STOX2: variants seen among roughly 807,000 people sequenced by gnomAD.
The protein encoded by STOX2 is storkhead box 2.
A neutral mutation model predicts 60.9 loss-of-function variants in STOX2; 28 were observed. The observed-to-expected ratio is 0.46, with a 90% CI of 0.34 to 0.63. STOX2 has a LOEUF of 0.63. STOX2 is among the 30% of genes least tolerant of loss of function. STOX2 has a pLI of 0.01. For synonymous variants in STOX2, 472 were observed against 463.9 expected (o/e 1.02, Z -0.22); for missense variants, 1,024 against 1,187.7 (o/e 0.86, Z 2.03).
chr4:183,980,608 C>A (rs1360630285), intron 1 of STOX2, among the ~76,000 whole-genome samples: 1 of 152,092 alleles, frequency 6.6e-6, no homozygotes, highest in African/African-American at 2.4e-5. Context: ...CTGAGTTCAG[C>A]TTTGTGATGA....
At chr4:183,858,558 T>C (rs1740357825) in intron 1 of STOX2, among the ~76,000 whole-genome samples, 1 of 152,078 alleles carries the variant, frequency 6.6e-6, no homozygotes, top group African/African-American at 2.4e-5. Context: ...TGGTTCATGT[T>C]CATGGTGGAA....
upstream of STOX2, among the ~76,000 whole-genome samples, chr4:183,902,257 T>C (rs115734572): frequency 5.2e-3 from 773 of 149,946 alleles, 7 homozygotes; most frequent in African/African-American, 0.018. Flanking sequence ...AAGTTTTAAA[T>C]GAAGAGGATT....
chr4:183,843,964 A>G (rs1360930385), intron 1 of STOX2, among the ~76,000 whole-genome samples: 2 of 152,208 alleles, frequency 1.3e-5, no homozygotes, highest in South Asian at 2.1e-4. Flanking sequence ...AAATTCTGAA[A>G]ATAAATTATG....
At chr4:183,913,366 G>C (rs1378546955) in intron 1 of STOX2, among the ~76,000 whole-genome samples, 1 of 152,144 alleles carries the variant, frequency 6.6e-6, no homozygotes, top group Non-Finnish European at 1.5e-5. Context: ...AGAGGTGTCA[G>C]ATCGTGGCTT....
chr4:183,957,387 G>A (rs1247174278), intron 1 of STOX2, among the ~76,000 whole-genome samples: 1 of 152,128 alleles, frequency 6.6e-6, no homozygotes, highest in African/African-American at 2.4e-5. Flanking sequence ...TCATGCATCA[G>A]TAATTCTTGC....
intron 1 of STOX2, among the ~76,000 whole-genome samples, chr4:183,851,381 C>G (rs375935906): frequency 5.7e-3 from 165 of 29,064 alleles, no homozygotes; most frequent in Admixed American, 0.012. Flanking sequence ...ATGAGAGAAA[C>G]GATGAGGGAA....
intron 1 of STOX2, among the ~76,000 whole-genome samples, chr4:183,897,048 A>G (rs1741353770): frequency 1.3e-5 from 2 of 152,320 alleles, no homozygotes; most frequent in South Asian, 4.1e-4. Flanking sequence ...GAAGCTTGGC[A>G]GTGGAAGCAA....
chr4:183,922,351 T>A (rs1157341888), intron 1 of STOX2, among the ~76,000 whole-genome samples: 1 of 103,242 alleles, frequency 9.7e-6, no homozygotes, highest in African/African-American at 4.6e-5. Context: ...CCATCTTAAC[T>A]TTTTTTTTTT....
rs551901484 is a variant in STOX2 at position 183,930,685 on chromosome 4, T to C, written c.166+23729T>C. Among the ~76,000 whole-genome samples the C allele has an allele frequency of 3.9e-5, 6 of 152,342 alleles. No homozygotes were observed. In the East Asian group the frequency reaches 1.2e-3, roughly 29 times the overall value. ...ACTTTTGTTTCAAGAAGGAAGTTAG[T>C]CTTCAATATTCTGTTCTAAAGCTTA... On this transcript the variant is annotated intron_variant, in intron 1 of 3. Coordinates refer to ENST00000308497, the MANE Select transcript of STOX2 (RefSeq NM_020225.3).
intron 1 of STOX2, among the ~76,000 whole-genome samples, chr4:183,832,721 C>T (rs1739601785): frequency 6.6e-6 from 1 of 152,120 alleles, no homozygotes; most frequent in African/African-American, 2.4e-5. Flanking sequence ...AACTCCTGAC[C>T]TCAAGTGATC....
Position 183,836,448 on chromosome 4 carries a change from C to G in STOX2, c.364+38393C>G, listed in dbSNP as rs758297839. 5.3e-5 allele frequency among the ~76,000 whole-genome samples: 8 copies of G among 152,146 alleles called. No homozygotes were observed. The highest frequency in any genetic ancestry group is 2.6e-4 in the Admixed American group (4 of 15,280). ...GTCTCAGTGGCTTAACACATTAAGC[C>G]TCATTTCTTCTTCTGCAAAGTCTAT... On this transcript the variant is annotated intron_variant, in intron 1 of 2. Coordinates refer to the STOX2 transcript ENST00000513034. The surrounding 1 kb of genome is among the most constrained non-coding windows in gnomAD (Gnocchi z 4.1).
At chr4:183,917,620 G>C (rs913796814) in intron 1 of STOX2, among the ~76,000 whole-genome samples, 2 of 152,206 alleles carry the variant, frequency 1.3e-5, no homozygotes, top group African/African-American at 4.8e-5. Context: ...TGTAGACAAG[G>C]GGCAGATGTG....
At chr4:183,801,562 G>C (rs1738763731) in intron 1 of STOX2, among the ~76,000 whole-genome samples, 2 of 152,206 alleles carry the variant, frequency 1.3e-5, no homozygotes, top group African/African-American at 4.8e-5. Flanking sequence ...CTTCTGTCTT[G>C]TGAGCTGGTA....
At chr4:183,966,463 G>A (rs1743572214) in intron 1 of STOX2, among the ~76,000 whole-genome samples, 1 of 152,230 alleles carries the variant, frequency 6.6e-6, no homozygotes, top group African/African-American at 2.4e-5. Context: ...TTCTGCATTT[G>A]ATGGACAGAT....
intron 1 of STOX2, among the ~76,000 whole-genome samples, chr4:183,814,643 C>T (rs887688560): frequency 5.3e-5 from 8 of 152,314 alleles, no homozygotes; most frequent in South Asian, 2.1e-4. Flanking sequence ...ATACATGCCC[C>T]GTGGCCCACC....
intron 2 of STOX2, among the ~76,000 whole-genome samples, chr4:184,002,681 C>T (rs1733645923): frequency 6.6e-6 from 1 of 152,150 alleles, no homozygotes; most frequent in South Asian, 2.1e-4. Context: ...TCATGCCAGC[C>T]CATTAACACT....
rs551896212 is a variant in STOX2 at position 183,943,225 on chromosome 4, C to G, written c.166+36269C>G. Among the ~76,000 whole-genome samples the G allele has an allele frequency of 1.6e-3, 250 of 152,314 alleles. 2 individuals carry two copies. The highest frequency in any genetic ancestry group is 1.5e-4 in the Non-Finnish European group (10 of 68,036). On this transcript the variant is annotated intron_variant, in intron 1 of 3. Coordinates refer to ENST00000308497, the MANE Select transcript of STOX2 (RefSeq NM_020225.3). Reference sequence around the variant, plus strand: ...TGCAACTTGGCAATCCAGGAATACTCTCTTCTGGTAGCTAGTTGCCCAGTG... The same window carrying G: ...TGCAACTTGGCAATCCAGGAATACTGTCTTCTGGTAGCTAGTTGCCCAGTG...
intron 1 of STOX2, among the ~76,000 whole-genome samples, chr4:183,813,525 G>A (rs961837044): frequency 1.3e-5 from 2 of 152,180 alleles, no homozygotes; most frequent in Non-Finnish European, 2.9e-5. Flanking sequence ...TTGATGTCAG[G>A]GACTTGAGCA....
chr4:183,876,887 C>T (rs760857708), intron 1 of STOX2, among the ~76,000 whole-genome samples: 1 of 152,170 alleles, frequency 6.6e-6, no homozygotes, highest in Non-Finnish European at 1.5e-5. Flanking sequence ...AATGGAGAAG[C>T]GTTTTCTAGA....
Sources: allele counts gnomAD v4.1 joint callset (sites outside exome capture counted in the v4.1 genomes callset), GRCh38; gene constraint gnomAD v4.1.1; non-coding constraint Gnocchi (gnomAD v3.1); transcripts MANE v1.5; gene names NCBI Gene and HGNC (gene_info 2026-07-23, HGNC 2026-07-21).